The following NPLOC4 variants were observed in gnomAD, a reference collection of about 807,000 sequenced individuals.
NPLOC4 encodes the protein nuclear protein localization protein 4 homolog.
A neutral mutation model predicts 80.6 loss-of-function variants in NPLOC4; 18 were observed. The observed-to-expected ratio is 0.22, with a 90% CI of 0.15 to 0.33. The LOEUF (loss-of-function observed/expected upper bound fraction) is 0.33, where lower values mean the gene tolerates loss of function less well. Ranked by LOEUF, NPLOC4 falls within the 10% of genes least tolerant of loss-of-function variation. The pLI, the probability that NPLOC4 is intolerant of heterozygous loss-of-function variation, is 1.00. For missense variants in NPLOC4, 540 were observed against 786.1 expected (o/e 0.69, Z 3.74); for synonymous variants, 313 against 301.5 (o/e 1.04, Z -0.39).
intron 1 of NPLOC4, among the ~76,000 whole-genome samples, chr17:81,631,798 G>A (rs1483547129): frequency 6.6e-6 from 1 of 151,730 alleles, no homozygotes; most frequent in Non-Finnish European, 1.5e-5. Context: ...CTTGTATTTA[G>A]CTCATTTTTT....
intron 9 of NPLOC4, among the ~76,000 whole-genome samples, chr17:81,599,016 C>T (rs1257384893): frequency 1.2e-4 from 18 of 152,236 alleles, no homozygotes; most frequent in African/African-American, 4.1e-4. Flanking sequence ...AGGCCAGGCA[C>T]GGTGGCTCAC....
At chr17:81,628,014 C>A (rs772350938) in intron 2 of NPLOC4, among the ~76,000 whole-genome samples, 1 of 151,840 alleles carries the variant, frequency 6.6e-6, no homozygotes, top group South Asian at 2.1e-4. Context: ...AGATGAAGAC[C>A]ATCCTGGCTA....
chr17:81,602,942 T>TAC lies in NPLOC4; in HGVS notation c.834+1604_834+1605dup, dbSNP rs1195719589. Reference sequence around the variant, plus strand: ...ATATATACACACACACATATATATATACACACACATATATATACACACATA... The same window carrying TAC: ...ATATATACACACACACATATATATATACACACACACATATATATACACACATA... On this transcript the variant is annotated intron_variant, in intron 8 of 16. Coordinates refer to ENST00000331134, the MANE Select transcript of NPLOC4 (RefSeq NM_017921.4). Among the ~76,000 whole-genome samples the TAC allele has an allele frequency of 8.5e-4, 126 of 148,812 alleles. 1 individual carries two copies. Among genetic ancestry groups the TAC allele is most frequent in the African/African-American group, 2.9e-3 (115 of 40,130 alleles).
At chr17:81,591,821 A>C (rs1439900102) in intron 11 of NPLOC4, among the ~76,000 whole-genome samples, 3 of 152,248 alleles carry the variant, frequency 2.0e-5, no homozygotes, top group Non-Finnish European at 4.4e-5. Context: ...CAGTGACAGC[A>C]AAACTTCAGC....
intron 9 of NPLOC4, among the ~76,000 whole-genome samples, chr17:81,597,783 C>CAAA (rs533038308): frequency 1.8e-4 from 16 of 86,778 alleles, no homozygotes; most frequent in South Asian, 3.9e-4. Context: ...AACTCCATCT[C>CAAA]AAAAAAAAAA....
intron 16 of NPLOC4, chr17:81,561,755 C>CT (rs1004694946): frequency 4.2e-4 from 63 of 149,440 alleles, no homozygotes; most frequent in African/African-American, 2.2e-4. Flanking sequence ...CCAGCTAATT[C>CT]TTTTTTTTTT....
intron 13 of NPLOC4, among the ~76,000 whole-genome samples, chr17:81,571,203 G>A (rs1598621689): frequency 6.6e-6 from 1 of 152,148 alleles, no homozygotes; most frequent in Non-Finnish European, 1.5e-5. Context: ...CCTGAATCAC[G>A]TGCCCATCCA....
At chr17:81,618,081 C>T (rs1163439333) in intron 3 of NPLOC4, among the ~76,000 whole-genome samples, 1 of 152,148 alleles carries the variant, frequency 6.6e-6, no homozygotes, top group Non-Finnish European at 1.5e-5. Context: ...GCCGCCACCC[C>T]GTCTGGGAAG....
In NPLOC4 at chr17:81,589,000, G is replaced by A; in HGVS notation, c.1225C>T (p.Leu409Phe). ...CLLPCKDAPE[L>F]GYAKESSSEQ... ...CTGCTAGACTCCTTGGCGTAGCCAA[G>A]CTCCGGGGCGTCCTTGCATGGCAGC... The change falls in exon 12 of 17, where the codon CTT (leucine) becomes TTT (phenylalanine). Residue 409 changes from leucine (L) to phenylalanine (F), a missense_variant. Physicochemically the swap from Leu to Phe is conservative, Grantham distance 22. Transcript: ENST00000331134. 1 of 1,614,034 alleles carries A rather than the reference G, an allele frequency of 6.2e-7. No homozygotes were observed. Among genetic ancestry groups the A allele is most frequent in the Non-Finnish European group, 8.5e-7 (1 of 1,179,886 alleles).
Position 81,622,289 on chromosome 17 carries a change from G to C in NPLOC4, c.97-11C>G. The C allele has an allele frequency of 6.3e-7, 1 of 1,585,514 alleles. No individual in the cohort carries two copies. Among genetic ancestry groups the C allele is most frequent in the Non-Finnish European group, 8.7e-7 (1 of 1,154,372 alleles). The stretch of plus-strand genomic sequence containing the variant: ...AAACTCCTTTGCAACCTAAAACAAG[G>C]CCCAAAGAACAGAAATTTAATGAAA... On this transcript the variant is annotated splice_polypyrimidine_tract_variant and intron_variant, in intron 2 of 16. Transcript: ENST00000331134.
intron 11 of NPLOC4, among the ~76,000 whole-genome samples, chr17:81,594,973 A>C (rs978342812): frequency 1.3e-5 from 2 of 152,010 alleles, no homozygotes; most frequent in Non-Finnish European, 1.5e-5. Flanking sequence ...AAAAAAACAC[A>C]AAAACCCGGC....
At chr17:81,593,987 G>A (rs964673900) in intron 11 of NPLOC4, among the ~76,000 whole-genome samples, 1 of 152,018 alleles carries the variant, frequency 6.6e-6, no homozygotes, top group East Asian at 1.9e-4. Flanking sequence ...AAATAAATCT[G>A]ACTCGGCCGG....
intron 1 of NPLOC4, among the ~76,000 whole-genome samples, chr17:81,634,997 C>T (rs1020037034): frequency 3.3e-5 from 5 of 151,980 alleles, no homozygotes; most frequent in Admixed American, 3.3e-4. Context: ...CAGAGACCAG[C>T]CTGTACAACA....
At chr17:81,587,505 C>A (rs556487887) in intron 12 of NPLOC4, among the ~76,000 whole-genome samples, 1 of 148,962 alleles carries the variant, frequency 6.7e-6, no homozygotes, top group Non-Finnish European at 1.5e-5. Context: ...TTAGTAGAGA[C>A]GGGGTTTCAC....
chr17:81,590,280 C>T (rs77499545), intron 11 of NPLOC4, among the ~76,000 whole-genome samples: 17 of 152,308 alleles, frequency 1.1e-4, no homozygotes, highest in African/African-American at 4.1e-4. Flanking sequence ...GTCTCCACTC[C>T]ATCGAAGCCT....
chr17:81,613,145 A>T (rs2035388778), intron 4 of NPLOC4, 173 bp downstream of exon 4: 1 of 555,930 alleles, frequency 1.8e-6, no homozygotes, highest in Non-Finnish European at 2.8e-6. Context: ...AAAAACAAAA[A>T]CCGATAAAAA....
At chr17:81,566,499 A>G (rs977259889) in intron 15 of NPLOC4, 2 of 152,294 alleles carry the variant, frequency 1.3e-5, no homozygotes, top group African/African-American at 4.8e-5. Flanking sequence ...ACAGATGGGC[A>G]GCAGCTGAAC....
Position 81,605,375 on chromosome 17 carries a change from G to A in NPLOC4, c.655-648C>T, listed in dbSNP as rs183241396. 2.5e-3 allele frequency among the ~76,000 whole-genome samples: 372 copies of A among 150,032 alleles called. 3 individuals carry two copies. Among genetic ancestry groups the A allele is most frequent in the South Asian group, 2.8e-3 (13 of 4,712 alleles). On this transcript the variant is annotated intron_variant, in intron 7 of 16. Transcript: ENST00000331134. ...CTTAAGAAAAAAACCAGTCAGGCAC[G>A]GTGGCTCATGCCTGTAATCCCAGCA...
intron 12 of NPLOC4, among the ~76,000 whole-genome samples, chr17:81,574,211 G>A (rs886860204): frequency 1.3e-5 from 2 of 152,202 alleles, no homozygotes; most frequent in Non-Finnish European, 2.9e-5. Flanking sequence ...GCTCTAATAT[G>A]CAGAAACATT....
Sources: allele counts gnomAD v4.1 joint callset (sites outside exome capture counted in the v4.1 genomes callset), GRCh38; gene constraint gnomAD v4.1.1; transcripts MANE v1.5; gene names NCBI Gene and HGNC (gene_info 2026-07-23, HGNC 2026-07-21).